Variants in LRP1B observed in about 807,000 individuals in gnomAD.
LRP1B encodes low-density lipoprotein receptor-related protein 1B.
Under a neutral mutation model 556.6 loss-of-function variants are expected in LRP1B, and 217 were observed. That is an observed-to-expected ratio of 0.39 (90% CI 0.35 to 0.44). The LOEUF is 0.44. Among genes scored for constraint, LRP1B ranks in the 20% least tolerant of loss-of-function variants. The probability of loss-of-function intolerance (pLI) is 1.00; values close to 1 mark genes in which losing one functional copy is unlikely to be tolerated. For synonymous variants in LRP1B, 2,047 were observed against 1,865.8 expected (o/e 1.10, Z -2.50); for missense variants, 5,053 against 5,620.8 (o/e 0.90, Z 3.23).
At chr2:140,368,623 C>G (rs1682864216) in intron 71 of LRP1B, among the ~76,000 whole-genome samples, 1 of 151,734 alleles carries the variant, frequency 6.6e-6, no homozygotes, top group Non-Finnish European at 1.5e-5. Context: ...TAAAGTAAAC[C>G]AGTAAAACTG....
At chr2:141,197,802 G>A (rs750171054) in intron 6 of LRP1B, among the ~76,000 whole-genome samples, 3 of 152,054 alleles carry the variant, frequency 2.0e-5, no homozygotes, top group Non-Finnish European at 2.9e-5. Flanking sequence ...TATTAAATAT[G>A]TAATCATATT....
In LRP1B at chr2:140,606,815, C is replaced by T. The variant is rs1292261914; in HGVS notation, c.6800-5176G>A. Among the ~76,000 whole-genome samples, 9 of 151,774 alleles carry T rather than the reference C, an allele frequency of 5.9e-5. No homozygotes were observed. The East Asian group carries it at 9.6e-4, about 16-fold the overall frequency. On this transcript the variant is annotated intron_variant, in intron 41 of 90. Coordinates refer to ENST00000389484, the MANE Select transcript of LRP1B (RefSeq NM_018557.3). ...CCCACACATATAACTAAAAATATAC[C>T]TTAAACCTAAACATAGATGGTAGAT...
At chr2:142,101,789 T>C (rs1706576582) in intron 1 of LRP1B, among the ~76,000 whole-genome samples, 2 of 152,130 alleles carry the variant, frequency 1.3e-5, no homozygotes, top group Admixed American at 1.3e-4. Context: ...AAAATTAGGG[T>C]TATATTTTAG....
At chr2:140,592,906 C>A (rs929058837) in intron 43 of LRP1B, among the ~76,000 whole-genome samples, 2 of 150,430 alleles carry the variant, frequency 1.3e-5, no homozygotes, top group Non-Finnish European at 3.0e-5. Flanking sequence ...CAACACTGAA[C>A]TCCAGCCTGG....
At chr2:141,055,956 GAAAA>G in intron 9 of LRP1B, among the ~76,000 whole-genome samples, 1 of 148,226 alleles carries the variant, frequency 6.7e-6, no homozygotes, top group Non-Finnish European at 1.5e-5. Context: ...GAGAGGATGA[GAAAA>G]GAAAGATGGA....
At chr2:141,953,523 C>G (rs1474104979) in intron 1 of LRP1B, among the ~76,000 whole-genome samples, 1 of 151,840 alleles carries the variant, frequency 6.6e-6, no homozygotes, top group African/African-American at 2.4e-5. Flanking sequence ...GTCTAAAGTT[C>G]TATATTTTAA....
At chr2:141,530,384 CT>C (rs1213462752) in intron 2 of LRP1B, among the ~76,000 whole-genome samples, 1 of 152,088 alleles carries the variant, frequency 6.6e-6, no homozygotes, top group African/African-American at 2.4e-5. Flanking sequence ...GGGAACTGTT[CT>C]TTTCACCTAC....
chr2:141,189,650 A>T (rs769433540), intron 6 of LRP1B, among the ~76,000 whole-genome samples: 2 of 139,926 alleles, frequency 1.4e-5, no homozygotes, highest in Non-Finnish European at 2.9e-5. Flanking sequence ...GGTCAACAAT[A>T]AAAAAATTCC....
At chr2:141,640,671 G>A (rs1689296839) in intron 2 of LRP1B, among the ~76,000 whole-genome samples, 1 of 152,196 alleles carries the variant, frequency 6.6e-6, no homozygotes, top group African/African-American at 2.4e-5. Flanking sequence ...GCATGGGCCT[G>A]TAATCCCAGA....
chr2:141,235,083 T>C (rs987051019), intron 5 of LRP1B, among the ~76,000 whole-genome samples: 3 of 152,236 alleles, frequency 2.0e-5, no homozygotes, highest in African/African-American at 4.8e-5. Context: ...TATCACATTT[T>C]ATTATAGAAA....
At chr2:141,023,165 T>C (rs1458951459) in intron 11 of LRP1B, among the ~76,000 whole-genome samples, 1 of 151,986 alleles carries the variant, frequency 6.6e-6, no homozygotes, top group Admixed American at 6.6e-5. Context: ...AATATTATTT[T>C]TCTCAAATTA....
intron 63 of LRP1B, among the ~76,000 whole-genome samples, chr2:140,448,199 A>G (rs1686747007): frequency 6.6e-6 from 1 of 152,124 alleles, no homozygotes; most frequent in Non-Finnish European, 1.5e-5. Context: ...TCCATTTGTG[A>G]AAAATACAAT....
At chr2:140,814,816 T>G (rs1691053043) in intron 31 of LRP1B, among the ~76,000 whole-genome samples, 1 of 152,142 alleles carries the variant, frequency 6.6e-6, no homozygotes, top group East Asian at 1.9e-4. Context: ...TGGCACAGTG[T>G]GTCACGGAGG....
At chr2:142,016,471 A>T (rs143508381) in intron 1 of LRP1B, among the ~76,000 whole-genome samples, 2 of 152,150 alleles carry the variant, frequency 1.3e-5, no homozygotes, top group East Asian at 3.8e-4. Flanking sequence ...AATGTGGCAC[A>T]TATACACAAT....
At chr2:141,054,684 T>C (rs542741452) in intron 10 of LRP1B, among the ~76,000 whole-genome samples, 1 of 152,098 alleles carries the variant, frequency 6.6e-6, no homozygotes, top group African/African-American at 2.4e-5. Context: ...ATGGAGTGAA[T>C]TCACTCCCCA....
chr2:140,479,112 CA>C (rs1352781133), intron 59 of LRP1B, among the ~76,000 whole-genome samples: 1 of 152,018 alleles, frequency 6.6e-6, no homozygotes, highest in Non-Finnish European at 1.5e-5. Context: ...CTCAGGTAAG[CA>C]TGAGCCTTCA....
intron 3 of LRP1B, among the ~76,000 whole-genome samples, chr2:141,317,777 C>G (rs1687086740): frequency 1.3e-5 from 2 of 152,072 alleles, no homozygotes; most frequent in Admixed American, 6.6e-5. Flanking sequence ...AATAATTGTA[C>G]AGAAAGTTTG....
At chr2:140,962,134 T>A (rs1696055542) in intron 18 of LRP1B, among the ~76,000 whole-genome samples, 1 of 152,208 alleles carries the variant, frequency 6.6e-6, no homozygotes. Context: ...TCAGAACCTG[T>A]AAGGATTCAG....
intron 45 of LRP1B, among the ~76,000 whole-genome samples, chr2:140,537,379 A>G (rs1236273102): frequency 6.6e-6 from 1 of 151,718 alleles, no homozygotes; most frequent in Non-Finnish European, 1.5e-5. Context: ...TGAATGTTTG[A>G]TGTGAATCAT....
Sources: allele counts gnomAD v4.1 joint callset (sites outside exome capture counted in the v4.1 genomes callset), GRCh38; gene constraint gnomAD v4.1.1; transcripts MANE v1.5; gene names NCBI Gene and HGNC (gene_info 2026-07-23, HGNC 2026-07-21).